The following CD38 variants were observed in gnomAD, a reference collection of about 807,000 sequenced individuals.
The protein encoded by CD38 is CD38 molecule.
CD38 carries 31 observed loss-of-function variants against 36.3 expected under a neutral mutation model. The ratio of observed to expected loss-of-function variants is 0.85; its 90% CI spans 0.64 to 1.15. The LOEUF (loss-of-function observed/expected upper bound fraction) is 1.15, where lower values mean the gene tolerates loss of function less well. Among genes scored for constraint, CD38 ranks in the 50% most tolerant of loss-of-function variants. The probability of loss-of-function intolerance (pLI) is 0.00; values close to 1 mark genes in which losing one functional copy is unlikely to be tolerated. For synonymous variants in CD38, 131 were observed against 135.2 expected, an observed-to-expected ratio of 0.97 and a Z score of 0.22; for missense variants, 380 against 371.9, an observed-to-expected ratio of 1.02 and a Z score of -0.18.
chr4:15,803,375 G>A (rs1164305938), intron 1 of CD38, among the ~76,000 whole-genome samples: 6 of 152,122 alleles, frequency 3.9e-5, no homozygotes, highest in Non-Finnish European at 7.4e-5. Context: ...ATTTGCAAAC[G>A]GTTTCTCTGA....
At chr4:15,836,280 G>A (rs1724068612) in intron 4 of CD38, among the ~76,000 whole-genome samples, 1 of 152,188 alleles carries the variant, frequency 6.6e-6, no homozygotes, top group South Asian at 2.1e-4. Flanking sequence ...CCTTCTTGCT[G>A]TGTCCTTACA....
intron 1 of CD38, among the ~76,000 whole-genome samples, chr4:15,792,788 A>C (rs1215657148): frequency 1.3e-5 from 2 of 152,218 alleles, no homozygotes; most frequent in African/African-American, 4.8e-5. Flanking sequence ...ACCTGACACA[A>C]CTGAGTAATT....
intron 3 of CD38, among the ~76,000 whole-genome samples, chr4:15,829,925 T>C (rs1723925930): frequency 6.6e-6 from 1 of 152,184 alleles, no homozygotes; most frequent in Admixed American, 6.5e-5. Flanking sequence ...CAGGAACACA[T>C]TCTTTTTTGT....
intron 3 of CD38, 144 bp downstream of exon 3, chr4:15,825,160 G>A: frequency 1.4e-6 from 1 of 713,348 alleles, no homozygotes; most frequent in East Asian, 2.8e-5. Context: ...TAGTCCATTT[G>A]TGTTGCTATT....
At chr4:15,814,731 G>A (rs969157286) in intron 1 of CD38, among the ~76,000 whole-genome samples, 3 of 151,698 alleles carry the variant, frequency 2.0e-5, no homozygotes, top group African/African-American at 7.3e-5. Flanking sequence ...TGTCAGGTTT[G>A]TTGAAGATCA....
At chr4:15,848,418 A>G (rs1477321428) in intron 7 of CD38, 121 bp from the exon 8 acceptor site, 2 of 630,120 alleles carry the variant, frequency 3.2e-6, no homozygotes, top group Non-Finnish European at 5.9e-6. Context: ...AGGAGTTTAT[A>G]TGGATGCTAA....
intron 1 of CD38, among the ~76,000 whole-genome samples, chr4:15,813,655 G>A (rs1165673986): frequency 6.6e-6 from 1 of 151,974 alleles, no homozygotes; most frequent in East Asian, 1.9e-4. Flanking sequence ...GTGTCCATGT[G>A]TTCTCACTGT....
intron 4 of CD38, among the ~76,000 whole-genome samples, chr4:15,836,491 C>T (rs1025822938): frequency 1.3e-5 from 2 of 152,160 alleles, no homozygotes; most frequent in African/African-American, 4.8e-5. Context: ...CTGTGACAAG[C>T]CTTGAAGTAG....
chr4:15,800,858 CAACTT>C (rs943690432), intron 1 of CD38, among the ~76,000 whole-genome samples: 4 of 151,984 alleles, frequency 2.6e-5, no homozygotes, highest in East Asian at 3.9e-4. Context: ...AGATTTAAAA[CAACTT>C]AACAGTGAAC....
At position 15,778,543 on chromosome 4, in the gene CD38, C is replaced by T. The variant is rs776322131; in HGVS notation, c.129C>T (p.Val43=). ...LILVVVLAVV[V]PRWRQQWSGP... ...TCGTCGTGGTGCTCGCGGTGGTCGT[C>T]CCGAGGTGGCGCCAGCAGTGGAGCG... Residue 43 remains valine (V), a synonymous_variant, in exon 1 of 8, where the codon GTC becomes GTT. Coordinates refer to ENST00000226279, the MANE Select transcript of CD38 (RefSeq NM_001775.4). The surrounding 1 kb of genome is among the most constrained non-coding windows in gnomAD (Gnocchi z 4.9). 1.9e-6 allele frequency: 3 copies of T among 1,613,040 alleles called. No homozygotes were observed. In the South Asian group the frequency reaches 3.3e-5, roughly 18 times the overall value.
intron 1 of CD38, among the ~76,000 whole-genome samples, chr4:15,806,421 G>A (rs781753388): frequency 1.3e-5 from 2 of 152,206 alleles, no homozygotes; most frequent in Non-Finnish European, 2.9e-5. Flanking sequence ...AGGCAGCTCT[G>A]CCACTTGGAC....
intron 1 of CD38, among the ~76,000 whole-genome samples, chr4:15,792,869 G>A (rs1364469154): frequency 3.3e-5 from 5 of 152,076 alleles, no homozygotes; most frequent in Non-Finnish European, 5.9e-5. Context: ...TTTTATAATT[G>A]ATTTGTTCTA....
intron 4 of CD38, among the ~76,000 whole-genome samples, chr4:15,835,142 T>G (rs1214801008): frequency 6.6e-6 from 1 of 152,126 alleles, no homozygotes; most frequent in Non-Finnish European, 1.5e-5. Flanking sequence ...TATCTAACTA[T>G]AATTTTGTAT....
intron 1 of CD38, among the ~76,000 whole-genome samples, chr4:15,786,172 G>C (rs1022329250): frequency 6.6e-6 from 1 of 152,210 alleles, no homozygotes; most frequent in Non-Finnish European, 1.5e-5. Context: ...AAAGAACAAA[G>C]CTTCCCCAGT....
At chr4:15,840,329 G>A in intron 6 of CD38, 123 bp from the exon 7 acceptor site, 2 of 753,684 alleles carry the variant, frequency 2.7e-6, no homozygotes, top group Non-Finnish European at 4.6e-6. Flanking sequence ...AGCTCTTAGA[G>A]GATTTACCTC....
intron 1 of CD38, among the ~76,000 whole-genome samples, chr4:15,785,855 G>C (rs147453899): frequency 2.0e-5 from 3 of 152,328 alleles, no homozygotes; most frequent in East Asian, 3.9e-4. Flanking sequence ...GTTCTTAAAG[G>C]TGGTGTGTCC....
intron 1 of CD38, among the ~76,000 whole-genome samples, chr4:15,786,434 T>A (rs1353532849): frequency 6.6e-6 from 1 of 152,236 alleles, no homozygotes; most frequent in Non-Finnish European, 1.5e-5. Context: ...GAGTGCTGAT[T>A]GGTGTATTTA....
intron 7 of CD38, among the ~76,000 whole-genome samples, chr4:15,841,453 T>C (rs113263024): frequency 1.3e-4 from 20 of 152,276 alleles, no homozygotes; most frequent in African/African-American, 4.8e-4. Context: ...TGCTTCTATC[T>C]GGAAACAGCC....
At chr4:15,829,206 G>T (rs1045976131) in intron 3 of CD38, among the ~76,000 whole-genome samples, 6 of 151,512 alleles carry the variant, frequency 4.0e-5, no homozygotes, top group African/African-American at 1.2e-4. Context: ...TATGTATTTT[G>T]TTTTTGTTTG....
Sources: gnomAD v4.1 joint callset for allele counts (sites outside exome capture counted in the v4.1 genomes callset) on GRCh38, gnomAD v4.1.1 for gene constraint, Gnocchi (gnomAD v3.1) non-coding constraint, MANE v1.5 for transcripts, NCBI Gene and HGNC (gene_info 2026-07-23, HGNC 2026-07-21) for gene names.